Variants in HTR1E observed in about 807,000 individuals in gnomAD.
The protein encoded by HTR1E is 5-hydroxytryptamine receptor 1E.
A neutral mutation model predicts 3.4 loss-of-function variants in HTR1E; 3 were observed. The ratio of observed to expected loss-of-function variants is 0.89; its 90% CI spans 0.41 to 2.31. HTR1E has a LOEUF of 2.31. Among genes scored for constraint, HTR1E ranks in the 30% most tolerant of loss-of-function variants. HTR1E has a pLI of 0.05. For synonymous variants in HTR1E, 170 were observed against 182.8 expected, an observed-to-expected ratio of 0.93 and a Z score of 0.56; for missense variants, 392 against 467.0, an observed-to-expected ratio of 0.84 and a Z score of 1.48.
chr6:86,974,766 T>C (rs1229096717), intron 1 of HTR1E, among the ~76,000 whole-genome samples: 1 of 152,226 alleles, frequency 6.6e-6, no homozygotes, highest in Non-Finnish European at 1.5e-5. Context: ...TTTGTCAGTA[T>C]GGACTCACTG....
In HTR1E at chr6:86,957,314, T is replaced by C. The variant is rs575483821; in HGVS notation, c.-186+19491T>C. Among the ~76,000 whole-genome samples the C allele has an allele frequency of 2.6e-5, 4 of 152,368 alleles. No individual in the cohort carries two copies. In the South Asian group the frequency reaches 6.2e-4, roughly 24 times the overall value. The stretch of plus-strand genomic sequence containing the variant: ...GACTACTTGAGCAACATCTTTCAGA[T>C]AATTCTAATCTAAGAAGAATTTTTT... On this transcript the variant is annotated intron_variant, in intron 1 of 1. Transcript: ENST00000305344.
intron 1 of HTR1E, among the ~76,000 whole-genome samples, chr6:86,995,702 AAAG>A (rs1262113521): frequency 0.03 from 4,251 of 141,654 alleles, 108 homozygotes; most frequent in Non-Finnish European, 0.044. Flanking sequence ...AAAAAAAAAA[AAAG>A]AAAACATGAC....
At chr6:86,995,484 G>C (rs113538135) in intron 1 of HTR1E, among the ~76,000 whole-genome samples, 22 of 150,872 alleles carry the variant, frequency 1.5e-4, no homozygotes, top group African/African-American at 5.3e-4. Flanking sequence ...TGGCCAATAT[G>C]GTGAAACCCC....
At chr6:86,949,649 T>C (rs1281713860) in intron 1 of HTR1E, among the ~76,000 whole-genome samples, 1 of 152,142 alleles carries the variant, frequency 6.6e-6, no homozygotes, top group Non-Finnish European at 1.5e-5. Flanking sequence ...AATAACCAGA[T>C]GCTACTGTAG....
At chr6:86,976,733 CCCTA>C (rs1340404587) in intron 1 of HTR1E, among the ~76,000 whole-genome samples, 1 of 152,136 alleles carries the variant, frequency 6.6e-6, no homozygotes, top group African/African-American at 2.4e-5. Context: ...TGACTCAATC[CCCTA>C]CCAACGATCC....
intron 1 of HTR1E, among the ~76,000 whole-genome samples, chr6:86,987,592 G>C (rs1767808444): frequency 6.6e-6 from 1 of 152,056 alleles, no homozygotes; most frequent in African/African-American, 2.4e-5. Flanking sequence ...GTATAACTGA[G>C]GAACTGATTT....
At chr6:86,946,882 C>T (rs569953054) in intron 1 of HTR1E, among the ~76,000 whole-genome samples, 2 of 152,142 alleles carry the variant, frequency 1.3e-5, no homozygotes, top group South Asian at 4.2e-4. Flanking sequence ...TTTGGGAAGC[C>T]AAGACAGGCG....
chr6:86,984,331 T>C (rs1433525268), intron 1 of HTR1E, among the ~76,000 whole-genome samples: 4 of 152,192 alleles, frequency 2.6e-5, no homozygotes, highest in Non-Finnish European at 5.9e-5. Flanking sequence ...TTCCACAAAA[T>C]GAATACATAG....
At chr6:86,960,124 T>G (rs546196063) in intron 1 of HTR1E, among the ~76,000 whole-genome samples, 2 of 152,310 alleles carry the variant, frequency 1.3e-5, no homozygotes, top group South Asian at 4.1e-4. Context: ...GAAGACTGGA[T>G]GATTTATAAA....
At chr6:87,001,152 A>G (rs779951126) in intron 1 of HTR1E, among the ~76,000 whole-genome samples, 13 of 152,184 alleles carry the variant, frequency 8.5e-5, no homozygotes. Context: ...CAAAAAATAT[A>G]TAACAAAGAC....
intron 1 of HTR1E, among the ~76,000 whole-genome samples, chr6:86,951,763 C>T (rs1024659978): frequency 6.6e-6 from 1 of 151,922 alleles, no homozygotes; most frequent in African/African-American, 2.4e-5. Context: ...TTGAAATATC[C>T]CCTAAGAAGC....
intron 1 of HTR1E, chr6:86,970,730 A>T (rs1767538762): frequency 5.4e-6 from 1 of 185,078 alleles, no homozygotes; most frequent in Admixed American, 6.2e-5. Context: ...TGTCATCAGG[A>T]TCAGAAGTTC....
At chr6:86,963,044 G>A (rs1582262584) in intron 1 of HTR1E, among the ~76,000 whole-genome samples, 1 of 152,066 alleles carries the variant, frequency 6.6e-6, no homozygotes, top group African/African-American at 2.4e-5. Context: ...CCAGAAGAAG[G>A]CATTACTATT....
intron 1 of HTR1E, among the ~76,000 whole-genome samples, chr6:86,992,373 T>C (rs544330944): frequency 3.9e-5 from 6 of 152,276 alleles, no homozygotes; most frequent in Admixed American, 3.9e-4. Flanking sequence ...TAGCTTGTAA[T>C]ACATGTGGTA....
At chr6:86,956,455 C>A (rs118021300) in intron 1 of HTR1E, among the ~76,000 whole-genome samples, 418 of 152,302 alleles carry the variant, frequency 2.7e-3, no homozygotes, top group Non-Finnish European at 4.4e-3. Flanking sequence ...TTAACACTTT[C>A]AACCAATTGC....
intron 1 of HTR1E, among the ~76,000 whole-genome samples, chr6:87,011,865 GA>G (rs201215384): frequency 7.3e-5 from 11 of 150,668 alleles, no homozygotes; most frequent in African/African-American, 2.7e-4. Context: ...GAAAGGGTTA[GA>G]AAAAAAAATG....
intron 1 of HTR1E, among the ~76,000 whole-genome samples, chr6:86,995,027 G>A (rs1241092848): frequency 6.6e-6 from 1 of 151,940 alleles, no homozygotes; most frequent in South Asian, 2.1e-4. Context: ...CCTTTAAAAT[G>A]TCCCCAAGTA....
intron 1 of HTR1E, among the ~76,000 whole-genome samples, chr6:86,950,891 A>G (rs943660590): frequency 6.6e-6 from 1 of 152,198 alleles, no homozygotes; most frequent in Non-Finnish European, 1.5e-5. Flanking sequence ...GATTTTTTCA[A>G]ATCTGTTTTT....
intron 1 of HTR1E, among the ~76,000 whole-genome samples, chr6:87,001,127 A>G (rs1239663608): frequency 1.3e-5 from 2 of 152,176 alleles, no homozygotes; most frequent in African/African-American, 2.4e-5. Flanking sequence ...TGCCAGCCTC[A>G]TGGTAACCAA....
Sources: gnomAD v4.1 joint callset for allele counts (sites outside exome capture counted in the v4.1 genomes callset) on GRCh38, gnomAD v4.1.1 for gene constraint, MANE v1.5 for transcripts, NCBI Gene and HGNC (gene_info 2026-07-23, HGNC 2026-07-21) for gene names.